KCNC2: variants seen among roughly 807,000 people sequenced by gnomAD.
KCNC2 encodes voltage-gated potassium channel KCNC2.
In KCNC2, 21 loss-of-function variants were observed where a neutral mutation model predicts 44.5. The observed-to-expected ratio is 0.47, with a 90% CI of 0.33 to 0.68. The LOEUF is 0.68. KCNC2 is among the 30% of genes least tolerant of loss of function. The probability of loss-of-function intolerance (pLI) is 0.01; values close to 1 mark genes in which losing one functional copy is unlikely to be tolerated. For missense variants in KCNC2, 589 were observed against 826.2 expected (o/e 0.71, Z 3.52); for synonymous variants, 391 against 339.1 (o/e 1.15, Z -1.68).
rs1431884718 is a variant in KCNC2, at chr12:75,168,161, C to T, written c.687+39136G>A. Among the ~76,000 whole-genome samples, 3 of 151,296 alleles carry T rather than the reference C, an allele frequency of 2.0e-5. 1 individual carries two copies. Among genetic ancestry groups the T allele is most frequent in the South Asian group, 4.1e-4 (2 of 4,824 alleles). ...GAATGATTTGAGAAAAACCGAAATA[C>T]ATTACTATGTTAGGCAAAGCAATCA... On this transcript the variant is annotated intron_variant, in intron 2 of 4. Coordinates refer to ENST00000549446, the MANE Select transcript of KCNC2 (RefSeq NM_139137.4).
intron 2 of KCNC2, among the ~76,000 whole-genome samples, chr12:75,131,050 T>A (rs1181701607): frequency 1.3e-5 from 2 of 152,134 alleles, no homozygotes; most frequent in African/African-American, 2.4e-5. Flanking sequence ...GGAGTAGTCA[T>A]GGTACTTTGC....
At chr12:75,153,707 A>G (rs1890566571) in intron 2 of KCNC2, among the ~76,000 whole-genome samples, 1 of 151,954 alleles carries the variant, frequency 6.6e-6, no homozygotes, top group Non-Finnish European at 1.5e-5. Context: ...AACAATTAAC[A>G]CATATTTTAT....
At chr12:75,157,589 G>T (rs1279258420) in intron 2 of KCNC2, among the ~76,000 whole-genome samples, 1 of 151,842 alleles carries the variant, frequency 6.6e-6, no homozygotes, top group Non-Finnish European at 1.5e-5. Context: ...ATTTTAATGA[G>T]TTTGTTTGAG....
rs553251205 is a variant in KCNC2, at chr12:75,194,866, T to C, written c.687+12431A>G. 2.0e-5 allele frequency among the ~76,000 whole-genome samples: 3 copies of C among 152,160 alleles called. No individual in the cohort carries two copies. In the East Asian group the frequency reaches 5.8e-4, roughly 29 times the overall value. ...TAAAACAAGAAAATGGTGTGGTATA[T>C]ATGTGTCTTGGAAGGAATGACTGCC... On this transcript the variant is annotated intron_variant, in intron 2 of 4. Transcript: ENST00000549446.
chr12:75,077,857 G>GA (rs1884139413), intron 2 of KCNC2, among the ~76,000 whole-genome samples: 1 of 152,036 alleles, frequency 6.6e-6, no homozygotes, highest in African/African-American at 2.4e-5. Flanking sequence ...GGAAGAGAAA[G>GA]TTTAGAAGTA....
Position 75,207,762 on chromosome 12 carries a change from T to A in KCNC2, c.222A>T (p.Pro74=), listed in dbSNP as rs1345807237. ...CCGCGCCGCCCTCGAAGCAGCCGCC[T>A]GGCCCGGGGGACAGCGGGGGCGCTC... ...PPRAPPLSPG[P]GGCFEGGAGN... Residue 74 remains proline (P), a synonymous_variant, in exon 2 of 5, where the codon CCA becomes CCT. Coordinates refer to ENST00000549446, the MANE Select transcript of KCNC2 (RefSeq NM_139137.4). This position sits in a 1 kb window ranked among gnomAD's most constrained non-coding sequence, Gnocchi z 4.1. The A allele has an allele frequency of 6.4e-7, 1 of 1,572,548 alleles. No individual in the cohort carries two copies.
At chr12:75,083,836 A>T (rs1884717486) in intron 2 of KCNC2, among the ~76,000 whole-genome samples, 1 of 151,984 alleles carries the variant, frequency 6.6e-6, no homozygotes, top group Admixed American at 6.6e-5. Flanking sequence ...TTACTCCTTT[A>T]TAAAGAAATG....
chr12:75,194,958 C>T (rs956524303), intron 2 of KCNC2, among the ~76,000 whole-genome samples: 1 of 152,104 alleles, frequency 6.6e-6, no homozygotes, highest in African/African-American at 2.4e-5. Context: ...TTCCTCACTA[C>T]CTTTGCTCTT....
At chr12:75,200,579 G>A (rs375350297) in intron 2 of KCNC2, among the ~76,000 whole-genome samples, 1 of 151,542 alleles carries the variant, frequency 6.6e-6, no homozygotes, top group African/African-American at 2.4e-5. Context: ...TATTACAACA[G>A]TGAATATATA....
At chr12:75,159,901 A>G (rs2137518013) in intron 2 of KCNC2, among the ~76,000 whole-genome samples, 1 of 151,998 alleles carries the variant, frequency 6.6e-6, no homozygotes, top group South Asian at 2.1e-4. Context: ...AGGGACAGTG[A>G]TTGACCATCT....
In KCNC2 at chr12:75,191,539, T is replaced by TC. The variant is rs2030249269; in HGVS notation, c.687+15757_687+15758insG. Among the ~76,000 whole-genome samples the TC allele has an allele frequency of 1.8e-4, 7 of 38,096 alleles. No individual in the cohort carries two copies. In the South Asian group the frequency reaches 6.8e-3, roughly 37 times the overall value. The allele number at this position is 38,096 out of a possible 152,430, so 25.0% of individuals were successfully genotyped here. A position where few individuals can be genotyped will look rare whatever the true frequency, so the allele number is the denominator to read the frequency against. Reference sequence around the variant, plus strand: ...TATTATTATTATTATTTTTTTTTTTTTTTTTTTTTTTTTTTTTTTTTGGAG... The same window carrying TC: ...TATTATTATTATTATTTTTTTTTTTTCTTTTTTTTTTTTTTTTTTTTTGGAG... On this transcript the variant is annotated intron_variant, in intron 2 of 4. Transcript: ENST00000549446.
intron 2 of KCNC2, among the ~76,000 whole-genome samples, chr12:75,182,091 G>C (rs147071054): frequency 6.6e-6 from 1 of 151,692 alleles, no homozygotes; most frequent in Non-Finnish European, 1.5e-5. Flanking sequence ...CACATAGGTA[G>C]TTAAGTGATA....
intron 2 of KCNC2, among the ~76,000 whole-genome samples, chr12:75,178,057 G>A (rs1225887922): frequency 6.6e-6 from 1 of 152,070 alleles, no homozygotes; most frequent in Non-Finnish European, 1.5e-5. Context: ...ATATGGAATG[G>A]CCAGTGAGAA....
At chr12:75,069,300 A>T (rs947845480) in intron 2 of KCNC2, among the ~76,000 whole-genome samples, 3 of 151,440 alleles carry the variant, frequency 2.0e-5, no homozygotes, top group Non-Finnish European at 2.9e-5. Flanking sequence ...ACGCCCAGCT[A>T]ATTTTGTATT....
intron 2 of KCNC2, among the ~76,000 whole-genome samples, chr12:75,061,335 T>TTG (rs1244509467): frequency 6.6e-6 from 1 of 152,086 alleles, no homozygotes; most frequent in Non-Finnish European, 1.5e-5. Flanking sequence ...GATTGTCATC[T>TTG]TGTGTGACAA....
chr12:75,118,619 G>T (rs1030376088), intron 2 of KCNC2, among the ~76,000 whole-genome samples: 1 of 152,100 alleles, frequency 6.6e-6, no homozygotes, highest in East Asian at 1.9e-4. Context: ...TTAGGAAGAA[G>T]TCAGAAGGAA....
At chr12:75,101,222 A>G (rs1455732425) in intron 2 of KCNC2, among the ~76,000 whole-genome samples, 1 of 152,096 alleles carries the variant, frequency 6.6e-6, no homozygotes, top group Non-Finnish European at 1.5e-5. Context: ...CAAAAAACCA[A>G]TCCAGCACAC....
At chr12:75,140,922 G>A (rs1889607542) in intron 2 of KCNC2, among the ~76,000 whole-genome samples, 1 of 149,964 alleles carries the variant, frequency 6.7e-6, no homozygotes, top group Admixed American at 6.6e-5. Context: ...AAAAGTGGAG[G>A]AAAAAAAAAG....
chr12:75,199,725 T>C (rs1353346992), intron 2 of KCNC2, among the ~76,000 whole-genome samples: 2 of 151,930 alleles, frequency 1.3e-5, no homozygotes, highest in Admixed American at 1.3e-4. Context: ...ATGACCTGGT[T>C]ATTTACATTT....
Sources: gnomAD v4.1 joint callset for allele counts (sites outside exome capture counted in the v4.1 genomes callset) on GRCh38, gnomAD v4.1.1 for gene constraint, Gnocchi (gnomAD v3.1) non-coding constraint, MANE v1.5 for transcripts, NCBI Gene and HGNC (gene_info 2026-07-23, HGNC 2026-07-21) for gene names.